CDH4: variants seen among roughly 807,000 people sequenced by gnomAD.
The protein encoded by CDH4 is cadherin 4, also known as cadherin-4.
CDH4 carries 33 observed loss-of-function variants against 86.0 expected under a neutral mutation model. That is an observed-to-expected ratio of 0.38 (90% CI 0.29 to 0.51). CDH4 has a LOEUF of 0.51. CDH4 is among the 20% of genes least tolerant of loss of function. The pLI is 0.86. For synonymous variants in CDH4, 555 were observed against 549.4 expected, an observed-to-expected ratio of 1.01 and a Z score of -0.14; for missense variants, 1,114 against 1,307.4, an observed-to-expected ratio of 0.85 and a Z score of 2.28.
chr20:61,459,123 G>A (rs1412269038), intron 2 of CDH4, among the ~76,000 whole-genome samples: 1 of 152,068 alleles, frequency 6.6e-6, no homozygotes, highest in African/African-American at 2.4e-5. Context: ...AGTGGCCCCA[G>A]CATGGTCTCT....
chr20:61,394,146 T>G (rs927186503), intron 2 of CDH4, among the ~76,000 whole-genome samples: 6 of 152,172 alleles, frequency 3.9e-5, no homozygotes, highest in African/African-American at 1.4e-4. Context: ...TGTCTCAGGT[T>G]CAGCCAGTCA....
chr20:61,771,290 G>T (rs890830563), intron 3 of CDH4, among the ~76,000 whole-genome samples: 15 of 151,318 alleles, frequency 9.9e-5, no homozygotes, highest in African/African-American at 3.4e-4. Flanking sequence ...GATTACAGGC[G>T]TGAGCCACCA....
chr20:61,845,094 T>TGGGAGAACTACTGGTCC (rs1568846104), intron 5 of CDH4, among the ~76,000 whole-genome samples: 1 of 152,022 alleles, frequency 6.6e-6, no homozygotes. Context: ...GGGCCCACAC[T>TGGGAGAACTACTGGTCC]GGGAGAACTA....
intron 4 of CDH4, among the ~76,000 whole-genome samples, chr20:61,806,546 C>T (rs1980138642): frequency 7.1e-6 from 1 of 141,024 alleles, no homozygotes; most frequent in Admixed American, 7.0e-5. Context: ...CACATGTCCA[C>T]GCGCACGCAC....
intron 2 of CDH4, among the ~76,000 whole-genome samples, chr20:61,667,612 C>T (rs372414490): frequency 6.6e-6 from 1 of 152,054 alleles, no homozygotes; most frequent in African/African-American, 2.4e-5. Context: ...GAGGTGATGG[C>T]CCAGGACTGG....
chr20:61,657,934 G>C (rs542560702), intron 2 of CDH4, among the ~76,000 whole-genome samples: 3 of 152,240 alleles, frequency 2.0e-5, no homozygotes, highest in South Asian at 4.2e-4. Context: ...GCTCGTCACC[G>C]GTGGGAGCCA....
chr20:61,777,073 C>A (rs1467734644), intron 4 of CDH4, among the ~76,000 whole-genome samples: 1 of 152,196 alleles, frequency 6.6e-6, no homozygotes, highest in African/African-American at 2.4e-5. Flanking sequence ...TCATTCTTTA[C>A]CCTCTGCCCT....
At chr20:61,598,061 C>G (rs2086569478) in intron 2 of CDH4, among the ~76,000 whole-genome samples, 1 of 152,220 alleles carries the variant, frequency 6.6e-6, no homozygotes, top group Non-Finnish European at 1.5e-5. Context: ...CTTCCCACCT[C>G]CGTCTCAGTG....
chr20:61,875,288 G>A (rs781619601), intron 7 of CDH4, among the ~76,000 whole-genome samples: 1 of 152,296 alleles, frequency 6.6e-6, no homozygotes, highest in African/African-American at 2.4e-5. Flanking sequence ...TTCCTAAATC[G>A]TAAGGGGGTG....
chr20:61,336,177 A>G (rs556063396), intron 2 of CDH4, among the ~76,000 whole-genome samples: 7 of 152,262 alleles, frequency 4.6e-5, no homozygotes, highest in African/African-American at 1.4e-4. Context: ...TAAATCCTAC[A>G]GGGCCCAAAC....
At position 61,820,782 on chromosome 20, in the gene CDH4, A is replaced by C. The variant is rs1601022233; in HGVS notation, c.577-23886A>C. Among the ~76,000 whole-genome samples, 3 of 152,286 alleles carry C rather than the reference A, an allele frequency of 2.0e-5. 1 individual carries two copies. The highest frequency in any genetic ancestry group is 2.0e-4 in the Admixed American group (3 of 15,306). On this transcript the variant is annotated intron_variant, in intron 4 of 15. Coordinates refer to ENST00000614565, the MANE Select transcript of CDH4 (RefSeq NM_001794.5). ...GACCCTCATCAGCTTTCTGAAGCCA[A>C]GTTGCCTCTGCCCTGACCTTCAAAC...
chr20:61,519,351 T>C (rs2085850787), intron 2 of CDH4, among the ~76,000 whole-genome samples: 1 of 152,246 alleles, frequency 6.6e-6, no homozygotes, highest in South Asian at 2.1e-4. Context: ...TTCTAGCCTC[T>C]GGGCTTTGGT....
At chr20:61,633,421 AC>A (rs750610241) in intron 2 of CDH4, among the ~76,000 whole-genome samples, 2 of 149,644 alleles carry the variant, frequency 1.3e-5, no homozygotes, top group Non-Finnish European at 3.0e-5. Context: ...ATGCATCCAA[AC>A]ATCCATCCTC....
At chr20:61,732,259 T>TTTG (rs1454786866) in intron 2 of CDH4, among the ~76,000 whole-genome samples, 2 of 152,200 alleles carry the variant, frequency 1.3e-5, no homozygotes, top group African/African-American at 4.8e-5. Flanking sequence ...GTGATGGACA[T>TTTG]GAACACTGTG....
chr20:61,924,596 C>T, intron 11 of CDH4, 120 bp downstream of exon 11: 1 of 1,136,632 alleles, frequency 8.8e-7, no homozygotes, highest in Non-Finnish European at 1.2e-6. Flanking sequence ...CAGAGGGTCA[C>T]CCAGAGGGGC....
chr20:61,867,476 G>A (rs999856438), intron 6 of CDH4, among the ~76,000 whole-genome samples: 1 of 151,720 alleles, frequency 6.6e-6, no homozygotes, highest in African/African-American at 2.4e-5. Flanking sequence ...GTTGAACCCA[G>A]GAGGTGAAGG....
chr20:61,419,253 C>T (rs963249412), intron 2 of CDH4, among the ~76,000 whole-genome samples: 1 of 152,140 alleles, frequency 6.6e-6, no homozygotes, highest in Non-Finnish European at 1.5e-5. Flanking sequence ...GGCCGCTTTG[C>T]CCAGGGCGGT....
intron 2 of CDH4, among the ~76,000 whole-genome samples, chr20:61,491,182 C>T (rs150792709): frequency 1.6e-4 from 24 of 152,282 alleles, no homozygotes; most frequent in Admixed American, 2.0e-4. Flanking sequence ...TAGAAGTGTG[C>T]GCATAGTGTG....
intron 4 of CDH4, among the ~76,000 whole-genome samples, chr20:61,843,375 A>G (rs1043047015): frequency 2.1e-4 from 31 of 149,598 alleles, no homozygotes; most frequent in South Asian, 4.3e-4. Flanking sequence ...GCGTGAACCC[A>G]GGAAGCGGAG....
Sources: gnomAD v4.1 joint callset for allele counts (sites outside exome capture counted in the v4.1 genomes callset) on GRCh38, gnomAD v4.1.1 for gene constraint, MANE v1.5 for transcripts, NCBI Gene and HGNC (gene_info 2026-07-23, HGNC 2026-07-21) for gene names.